CSMD1: variants seen among roughly 807,000 people sequenced by gnomAD.
The protein encoded by CSMD1 is CUB and sushi domain-containing protein 1.
Under a neutral mutation model 417.5 loss-of-function variants are expected in CSMD1, and 213 were observed. The ratio of observed to expected loss-of-function variants is 0.51; its 90% confidence interval spans 0.46 to 0.57. The LOEUF is 0.57. Among genes scored for constraint, CSMD1 ranks in the 20% least tolerant of loss-of-function variants. CSMD1 has a pLI of 0.00. For missense variants in CSMD1, 6,923 were observed against 4,529.7 expected, an observed-to-expected ratio of 1.53 and a Z score of -15.17; for synonymous variants, 2,862 against 1,736.8, an observed-to-expected ratio of 1.65 and a Z score of -16.11.
At position 3,983,766 on chromosome 8, in the gene CSMD1, A is replaced by T. The variant is rs530375693; in HGVS notation, c.818+14137T>A. Among the ~76,000 whole-genome samples, 3 of 152,278 alleles carry T rather than the reference A, an allele frequency of 2.0e-5. No individual in the cohort carries two copies. The South Asian group carries it at 6.2e-4, about 32-fold the overall frequency. ...CTGGTAGCATCTGATGGGGCTGTCA[A>T]CTGCACCTCTAGAGCACGTCGCAGT... On this transcript the variant is annotated intron_variant, in intron 5 of 69. Coordinates refer to ENST00000635120, the MANE Select transcript of CSMD1 (RefSeq NM_033225.6).
intron 12 of CSMD1, among the ~76,000 whole-genome samples, chr8:3,431,938 C>G (rs1814243223): frequency 6.6e-6 from 1 of 152,190 alleles, no homozygotes; most frequent in Non-Finnish European, 1.5e-5. Context: ...TACTGTGTCA[C>G]ACTTCTTTCA....
At chr8:3,674,395 A>G (rs1259676485) in intron 7 of CSMD1, among the ~76,000 whole-genome samples, 1 of 152,204 alleles carries the variant, frequency 6.6e-6, no homozygotes, top group African/African-American at 2.4e-5. Flanking sequence ...TAATTTCCTA[A>G]GCATTTCTCA....
chr8:4,600,687 T>C (rs1412821228), intron 2 of CSMD1, among the ~76,000 whole-genome samples: 1 of 152,146 alleles, frequency 6.6e-6, no homozygotes, highest in African/African-American at 2.4e-5. Context: ...TTCACAAAAA[T>C]AGGGGAATGG....
intron 3 of CSMD1, among the ~76,000 whole-genome samples, chr8:4,241,383 C>A (rs543161297): frequency 1.3e-5 from 2 of 152,320 alleles, no homozygotes; most frequent in Admixed American, 1.3e-4. Flanking sequence ...CAGGGAAACC[C>A]TTCCCACTTA....
chr8:3,043,084 A>C (rs1811216521), intron 50 of CSMD1, among the ~76,000 whole-genome samples: 1 of 151,354 alleles, frequency 6.6e-6, no homozygotes, highest in Non-Finnish European at 1.5e-5. Flanking sequence ...CATATAGTAC[A>C]TGTAAACCTA....
intron 3 of CSMD1, among the ~76,000 whole-genome samples, chr8:4,416,239 T>G (rs868741785): frequency 1.3e-5 from 2 of 152,188 alleles, no homozygotes; most frequent in Non-Finnish European, 2.9e-5. Context: ...GGTTGGATTA[T>G]GTACAAAACT....
intron 3 of CSMD1, among the ~76,000 whole-genome samples, chr8:4,113,088 T>G (rs984579321): frequency 6.6e-6 from 1 of 152,294 alleles, no homozygotes; most frequent in East Asian, 1.9e-4. Context: ...GACAGTGAAC[T>G]TAAATGATTA....
rs144664708 is a variant in CSMD1 at position 3,710,656 on chromosome 8, C to A, written c.932-2165G>T. 1.5e-3 allele frequency among the ~76,000 whole-genome samples: 229 copies of A among 152,260 alleles called. 1 individual carries two copies. Among genetic ancestry groups the A allele is most frequent in the East Asian group, 5.0e-3 (26 of 5,184 alleles). On this transcript the variant is annotated intron_variant, in intron 6 of 69. Transcript: ENST00000635120. Reference sequence around the variant, plus strand: ...GAGACCATGCCTCTTGGACTCTACCCCTCAGAGTCCCTGAAACCATGTGTT... The same window carrying A: ...GAGACCATGCCTCTTGGACTCTACCACTCAGAGTCCCTGAAACCATGTGTT...
chr8:4,264,759 C>T (rs1018445756), intron 3 of CSMD1, among the ~76,000 whole-genome samples: 1 of 152,054 alleles, frequency 6.6e-6, no homozygotes, highest in African/African-American at 2.4e-5. Context: ...ACATCTAGAA[C>T]GTTCTTTGGC....
chr8:3,121,997 T>C (rs1817240585), intron 41 of CSMD1, among the ~76,000 whole-genome samples: 1 of 152,172 alleles, frequency 6.6e-6, no homozygotes, highest in African/African-American at 2.4e-5. Flanking sequence ...GGTGAAAATG[T>C]AATTGCGGTT....
chr8:4,388,014 A>G (rs1213491472), intron 3 of CSMD1, among the ~76,000 whole-genome samples: 1 of 152,152 alleles, frequency 6.6e-6, no homozygotes, highest in Non-Finnish European at 1.5e-5. Flanking sequence ...GAATCCATTT[A>G]CACCAAGCAT....
chr8:3,711,347 C>T (rs190724465), intron 6 of CSMD1, among the ~76,000 whole-genome samples: 2 of 152,322 alleles, frequency 1.3e-5, no homozygotes, highest in African/African-American at 4.8e-5. Flanking sequence ...CCAGATCCCC[C>T]TCCAAGGAAG....
intron 18 of CSMD1, among the ~76,000 whole-genome samples, chr8:3,382,632 T>A (rs1453727290): frequency 1.4e-5 from 2 of 144,390 alleles, no homozygotes; most frequent in Non-Finnish European, 3.0e-5. Context: ...AATATAAATA[T>A]CTCTCTCTAT....
chr8:4,513,192 A>G (rs1802919844), intron 2 of CSMD1, among the ~76,000 whole-genome samples: 1 of 152,192 alleles, frequency 6.6e-6, no homozygotes, highest in Non-Finnish European at 1.5e-5. Flanking sequence ...TGATTGTAAT[A>G]AATGTACCAT....
At chr8:3,884,561 G>A (rs189612882) in intron 5 of CSMD1, among the ~76,000 whole-genome samples, 117 of 152,284 alleles carry the variant, frequency 7.7e-4, no homozygotes, top group Middle Eastern at 3.4e-3. Flanking sequence ...ATACCTGGGT[G>A]TGGAATTGCA....
chr8:4,148,983 G>A (rs896765457), intron 3 of CSMD1, among the ~76,000 whole-genome samples: 4 of 143,066 alleles, frequency 2.8e-5, no homozygotes, highest in Non-Finnish European at 6.1e-5. Flanking sequence ...TTTTTTTTGA[G>A]ATGGAGTTTC....
At chr8:4,727,852 T>C (rs991509915) in intron 1 of CSMD1, among the ~76,000 whole-genome samples, 4 of 149,486 alleles carry the variant, frequency 2.7e-5, no homozygotes, top group Non-Finnish European at 5.9e-5. Flanking sequence ...TATATACATA[T>C]TGGATATATA....
rs1309663563 is a variant in CSMD1, at chr8:3,407,901, G to C, written c.2069C>G (p.Thr690Ser). The C allele has an allele frequency of 4.4e-6, 7 of 1,604,086 alleles. No homozygotes were observed. The highest frequency in any genetic ancestry group is 5.1e-6 in the Non-Finnish European group (6 of 1,172,980). Residue 690 changes from threonine (T) to serine (S), a missense_variant and splice_region_variant, in exon 14 of 70, where the codon ACC becomes AGC. By Grantham distance (58) the Thr-to-Ser change is moderately conservative (BLOSUM62 1). Transcript: ENST00000635120. ...TTGRGFNITYTTFGQNECHDP... is the reference protein window; with the variant it reads ...TTGRGFNITYSTFGQNECHDP... ...GTTGACTGTGTGGGCGTACTTACTG[G>C]TGTAAGTGATGTTGAACCCTCTGCC...
chr8:3,512,892 G>C (rs1797136332), intron 10 of CSMD1, among the ~76,000 whole-genome samples: 1 of 152,028 alleles, frequency 6.6e-6, no homozygotes, highest in African/African-American at 2.4e-5. Context: ...CACTGCACTT[G>C]GTCTTTTTAA....
Sources: gnomAD v4.1 joint callset for allele counts (sites outside exome capture counted in the v4.1 genomes callset) on GRCh38, gnomAD v4.1.1 for gene constraint, MANE v1.5 for transcripts, NCBI Gene and HGNC (gene_info 2026-07-23, HGNC 2026-07-21) for gene names.